SULF2: variants seen among roughly 807,000 people sequenced by gnomAD.
SULF2 encodes sulfatase 2, also known as extracellular sulfatase Sulf-2.
Under a neutral mutation model 107.7 loss-of-function variants are expected in SULF2, and 52 were observed. The observed-to-expected ratio is 0.48, with a 90% confidence interval of 0.39 to 0.61. SULF2 has a LOEUF of 0.61. Among genes scored for constraint, SULF2 ranks in the 20% least tolerant of loss-of-function variants. SULF2 has a pLI of 0.00. For synonymous variants in SULF2, 460 were observed against 464.3 expected, an observed-to-expected ratio of 0.99 and a Z score of 0.12; for missense variants, 993 against 1,177.3, an observed-to-expected ratio of 0.84 and a Z score of 2.29.
At chr20:47,769,000 C>T (rs1046686590) in intron 1 of SULF2, among the ~76,000 whole-genome samples, 1 of 151,648 alleles carries the variant, frequency 6.6e-6, no homozygotes, top group Non-Finnish European at 1.5e-5. Context: ...CCTGCCTCAG[C>T]CTCCTGAGTA....
Position 47,713,934 on chromosome 20 carries a change from T to C in SULF2, c.416-11264A>G, listed in dbSNP as rs578146561. Reference sequence around the variant, plus strand: ...GAAAATGGCAAGGCCCCTCCGAGACTCCAGTAATGAGCTTGGGGAGGAGTG... The same window carrying C: ...GAAAATGGCAAGGCCCCTCCGAGACCCCAGTAATGAGCTTGGGGAGGAGTG... On this transcript the variant is annotated intron_variant, in intron 3 of 20. Coordinates refer to ENST00000688720, the MANE Select transcript of SULF2 (RefSeq NM_001387048.1). 4.6e-5 allele frequency among the ~76,000 whole-genome samples: 7 copies of C among 151,846 alleles called. No individual in the cohort carries two copies. The South Asian group carries it at 1.5e-3, about 32-fold the overall frequency.
intron 1 of SULF2, among the ~76,000 whole-genome samples, chr20:47,784,092 T>C (rs1197036057): frequency 6.6e-6 from 1 of 152,036 alleles, no homozygotes; most frequent in Non-Finnish European, 1.5e-5. Context: ...TCCGGGGGTG[T>C]CCTCCAGAGA....
chr20:47,785,859 C>G (rs545764042), upstream of SULF2: 1 of 152,512 alleles, frequency 6.6e-6, no homozygotes, highest in Non-Finnish European at 1.5e-5. Flanking sequence ...ACGCGCGGCC[C>G]GCGACCCGGC....
At chr20:47,664,949 C>T (rs1036233096) in intron 14 of SULF2, among the ~76,000 whole-genome samples, 4 of 152,324 alleles carry the variant, frequency 2.6e-5, no homozygotes, top group South Asian at 2.1e-4. Context: ...GGCCTGGAGC[C>T]GGCTCTGCGC....
chr20:47,723,352 TGAG>T (rs1393571980), intron 3 of SULF2, among the ~76,000 whole-genome samples: 10 of 151,768 alleles, frequency 6.6e-5, no homozygotes. Flanking sequence ...ATGAGAGGGT[TGAG>T]GAGTACTAAC....
chr20:47,782,121 CCTAA>C (rs916417339), intron 1 of SULF2, among the ~76,000 whole-genome samples: 2 of 152,156 alleles, frequency 1.3e-5, no homozygotes, highest in Admixed American at 1.3e-4. Flanking sequence ...GGCAAGTACC[CCTAA>C]CTGATACTCC....
intron 1 of SULF2, among the ~76,000 whole-genome samples, chr20:47,764,892 C>T (rs372012694): frequency 2.0e-4 from 31 of 152,160 alleles, no homozygotes; most frequent in African/African-American, 6.5e-4. Context: ...TGTGACCTCA[C>T]GCCACCCTTA....
intron 11 of SULF2, among the ~76,000 whole-genome samples, chr20:47,670,991 CG>C (rs1236407132): frequency 6.6e-6 from 1 of 151,948 alleles, no homozygotes; most frequent in Admixed American, 6.5e-5. Context: ...CACTTCTAGC[CG>C]GCGGACCCCG....
intron 1 of SULF2, among the ~76,000 whole-genome samples, chr20:47,783,009 T>C (rs911295067): frequency 3.3e-5 from 5 of 152,202 alleles, no homozygotes; most frequent in African/African-American, 9.6e-5. Context: ...ATCCCAGCTC[T>C]ACCTGTGACC....
At chr20:47,725,040 G>A (rs144747776) in intron 3 of SULF2, among the ~76,000 whole-genome samples, 1 of 152,144 alleles carries the variant, frequency 6.6e-6, no homozygotes, top group Non-Finnish European at 1.5e-5. Flanking sequence ...AATTCCCCCA[G>A]CACATCCATC....
intron 9 of SULF2, 75 bp downstream of exon 9, chr20:47,677,003 G>A (rs768903567): frequency 2.6e-5 from 39 of 1,508,518 alleles, no homozygotes; most frequent in Middle Eastern, 1.7e-4. Context: ...AGCATGATGC[G>A]GTGGGGCTAC....
intron 3 of SULF2, among the ~76,000 whole-genome samples, chr20:47,734,945 T>C (rs1451686253): frequency 6.6e-6 from 1 of 152,234 alleles, no homozygotes; most frequent in Non-Finnish European, 1.5e-5. Context: ...CTTGAAATGA[T>C]TGATTTTCTC....
intron 2 of SULF2, among the ~76,000 whole-genome samples, chr20:47,756,647 CTTT>C (rs11372876): frequency 1.5e-5 from 2 of 136,022 alleles, no homozygotes; most frequent in Non-Finnish European, 1.6e-5. Context: ...CATGTCTCAT[CTTT>C]TTTTTTTTTT....
chr20:47,781,864 C>T lies in SULF2; in HGVS notation c.-101+3479G>A, dbSNP rs545796429. On this transcript the variant is annotated intron_variant, in intron 1 of 20. Transcript: ENST00000688720. ...GTGCCCACAGCTGCCAGGGACTGCC[C>T]GCCCCAGAGCTGGAGAGACATCAGC... Among the ~76,000 whole-genome samples, 10 of 152,212 alleles carry T rather than the reference C, an allele frequency of 6.6e-5. No homozygotes were observed. The South Asian group carries it at 8.3e-4, about 13-fold the overall frequency.
chr20:47,665,261 C>T lies in SULF2; in HGVS notation c.1935G>A (p.Leu645=), dbSNP rs1411140576. 6.2e-7 allele frequency: 1 copy of T among 1,613,854 alleles called. No homozygotes were observed. Among genetic ancestry groups the T allele is most frequent in the African/African-American group, 1.3e-5 (1 of 74,938 alleles). ...TCTTCAGGTGACCTCGGACTTCCCT[C>T]AGGTTCTTAATTTTGTTCTGCAGGG... ...IETLQNKIKN[L]REVRGHLKKK... Residue 645 remains leucine (L), a synonymous_variant, in exon 14 of 21, where the codon CTG becomes CTA. Transcript: ENST00000688720.
chr20:47,777,231 C>G (rs2090740954), intron 1 of SULF2, among the ~76,000 whole-genome samples: 1 of 152,194 alleles, frequency 6.6e-6, no homozygotes, highest in Admixed American at 6.5e-5. Flanking sequence ...TAGGAAGGAG[C>G]CAGGTCCTTT....
In SULF2 at chr20:47,665,205, T is replaced by C. The variant is rs2087220278; in HGVS notation, c.1991A>G (p.Lys664Arg). 6.2e-7 allele frequency: 1 copy of C among 1,612,414 alleles called. No homozygotes were observed. The highest frequency in any genetic ancestry group is 1.3e-5 in the African/African-American group (1 of 74,896). Residue 664 changes from lysine to arginine, a missense_variant, in exon 14 of 21, where the codon AAA becomes AGA. Physicochemically the swap from Lys to Arg is conservative, Grantham distance 26. Around this residue, in one of 3 missense-constraint regions of SULF2, gnomAD observed 497 missense variants for 544.1 expected, o/e 0.91. Coordinates refer to ENST00000688720, the MANE Select transcript of SULF2 (RefSeq NM_001387048.1). ...KKRPEECDCHKISYHTQHKGR... is the reference protein window; with the variant it reads ...KKRPEECDCHRISYHTQHKGR... ...CCCTTTGCTACTGCCTCACCTGATT[T>C]TGTGACAGTCACATTCTTCTGGCCG...
At chr20:47,708,332 G>T (rs2146629100) in intron 3 of SULF2, among the ~76,000 whole-genome samples, 1 of 152,292 alleles carries the variant, frequency 6.6e-6, no homozygotes, top group Non-Finnish European at 1.5e-5. Flanking sequence ...CCTGAAGCCA[G>T]TACAAACGTG....
At chr20:47,760,750 C>T (rs748311656) in intron 1 of SULF2, among the ~76,000 whole-genome samples, 9 of 152,192 alleles carry the variant, frequency 5.9e-5, no homozygotes, top group Admixed American at 1.3e-4. Context: ...GTCACAATTT[C>T]AGGGGAGCTG....
Sources: allele counts gnomAD v4.1 joint callset (sites outside exome capture counted in the v4.1 genomes callset), GRCh38; gene constraint gnomAD v4.1.1; regional missense constraint gnomAD v4.1.1; transcripts MANE v1.5; gene names NCBI Gene and HGNC (gene_info 2026-07-23, HGNC 2026-07-21).